The following PRKCE variants were observed in gnomAD, a reference collection of about 807,000 sequenced individuals.
The protein encoded by PRKCE is protein kinase C epsilon type.
A neutral mutation model predicts 85.4 loss-of-function variants in PRKCE; 16 were observed. The observed-to-expected ratio is 0.19, with a 90% confidence interval of 0.13 to 0.28. The LOEUF is 0.28. PRKCE is among the 10% of genes least tolerant of loss of function. The pLI is 1.00. For synonymous variants in PRKCE, 388 were observed against 371.5 expected, an observed-to-expected ratio of 1.04 and a Z score of -0.51; for missense variants, 573 against 975.2, an observed-to-expected ratio of 0.59 and a Z score of 5.49.
At chr2:45,751,809 A>ATTTTTTTTTTTTTTTTT (rs34589907) in intron 1 of PRKCE, among the ~76,000 whole-genome samples, 1 of 78,526 alleles carries the variant, frequency 1.3e-5, no homozygotes, top group South Asian at 4.9e-4. Context: ...GCTAACCACT[A>ATTTTTTTTTTTTTTTTT]TTTTTTTTTT....
intron 12 of PRKCE, among the ~76,000 whole-genome samples, chr2:46,148,240 C>G (rs1369003300): frequency 6.6e-6 from 1 of 152,270 alleles, no homozygotes; most frequent in African/African-American, 2.4e-5. Context: ...CTCCCGAGCT[C>G]TGACGCACTT....
chr2:45,914,303 T>C (rs781189861), intron 2 of PRKCE, among the ~76,000 whole-genome samples: 1 of 152,218 alleles, frequency 6.6e-6, no homozygotes. Flanking sequence ...GGACGATATG[T>C]CCAGTGACTG....
At chr2:45,906,446 G>A (rs929857600) in intron 2 of PRKCE, among the ~76,000 whole-genome samples, 22 of 152,328 alleles carry the variant, frequency 1.4e-4, no homozygotes, top group African/African-American at 5.3e-4. Context: ...AAGCAAAAAC[G>A]GAACACCCAC....
chr2:46,055,363 T>G (rs1648402476), intron 10 of PRKCE, among the ~76,000 whole-genome samples: 1 of 152,086 alleles, frequency 6.6e-6, no homozygotes, highest in South Asian at 2.1e-4. Flanking sequence ...GTGAGTGGAG[T>G]CTGCCCCTGC....
chr2:45,936,254 G>C (rs1295923674), intron 2 of PRKCE, among the ~76,000 whole-genome samples: 1 of 152,194 alleles, frequency 6.6e-6, no homozygotes, highest in Non-Finnish European at 1.5e-5. Flanking sequence ...CCTGGTATCA[G>C]GTTAAGAGGT....
intron 11 of PRKCE, among the ~76,000 whole-genome samples, chr2:46,091,470 G>A (rs1306469301): frequency 6.6e-6 from 1 of 152,198 alleles, no homozygotes; most frequent in African/African-American, 2.4e-5. Flanking sequence ...AGTGAGGGGA[G>A]TAGAGGGGCC....
intron 1 of PRKCE, among the ~76,000 whole-genome samples, chr2:45,751,554 C>A (rs945548029): frequency 3.3e-5 from 5 of 151,980 alleles, no homozygotes; most frequent in African/African-American, 7.3e-5. Flanking sequence ...CTAATCAGGT[C>A]AAAAAAGTCA....
intron 10 of PRKCE, among the ~76,000 whole-genome samples, chr2:46,054,612 G>A (rs72876175): frequency 0.045 from 6,898 of 152,248 alleles, 436 homozygotes; most frequent in African/African-American, 0.14. Flanking sequence ...AGGGCTTGAA[G>A]GTGTCTCTCA....
intron 6 of PRKCE, among the ~76,000 whole-genome samples, chr2:45,986,075 C>T (rs1175668941): frequency 6.6e-6 from 1 of 152,204 alleles, no homozygotes; most frequent in Non-Finnish European, 1.5e-5. Context: ...GAGGGAAGCA[C>T]TCACAGGTAG....
At chr2:45,685,985 T>C (rs1677267952) in intron 1 of PRKCE, among the ~76,000 whole-genome samples, 1 of 152,186 alleles carries the variant, frequency 6.6e-6, no homozygotes, top group African/African-American at 2.4e-5. Flanking sequence ...TTTTAAAATT[T>C]AAGTATAGGA....
At chr2:45,863,934 G>C (rs2105684077) in intron 2 of PRKCE, among the ~76,000 whole-genome samples, 1 of 152,314 alleles carries the variant, frequency 6.6e-6, no homozygotes, top group African/African-American at 2.4e-5. Context: ...CCAATTCAAA[G>C]GCCATAGAGG....
intron 2 of PRKCE, among the ~76,000 whole-genome samples, chr2:45,938,515 T>C (rs1245462771): frequency 6.6e-6 from 1 of 152,202 alleles, no homozygotes; most frequent in East Asian, 1.9e-4. Flanking sequence ...TGACCTGTTG[T>C]GTCCCTTTCA....
intron 1 of PRKCE, among the ~76,000 whole-genome samples, chr2:45,826,502 GT>G (rs1689952252): frequency 6.6e-6 from 1 of 152,172 alleles, no homozygotes; most frequent in Non-Finnish European, 1.5e-5. Context: ...AAAACTTTTA[GT>G]TTTTAGAGCT....
intron 11 of PRKCE, among the ~76,000 whole-genome samples, chr2:46,136,393 T>C (rs1199542095): frequency 1.3e-5 from 2 of 152,232 alleles, no homozygotes; most frequent in Non-Finnish European, 2.9e-5. Flanking sequence ...CTGTTATTCT[T>C]AGGGAATCTA....
intron 2 of PRKCE, among the ~76,000 whole-genome samples, chr2:45,875,296 C>T (rs186214262): frequency 7.7e-4 from 118 of 152,356 alleles, no homozygotes; most frequent in African/African-American, 2.6e-3. Flanking sequence ...AAAACTTCCA[C>T]AGCATATCTG....
chr2:46,083,255 C>A (rs777068174), intron 10 of PRKCE, among the ~76,000 whole-genome samples: 1 of 152,022 alleles, frequency 6.6e-6, no homozygotes, highest in African/African-American at 2.4e-5. Context: ...CCGGCCCATC[C>A]TCATTTTTAC....
intron 1 of PRKCE, among the ~76,000 whole-genome samples, chr2:45,833,630 T>A (rs954522281): frequency 6.6e-6 from 1 of 152,194 alleles, no homozygotes; most frequent in Non-Finnish European, 1.5e-5. Flanking sequence ...AGAACTGGGA[T>A]TGGAACCCGG....
chr2:45,765,778 C>T (rs1180591132), intron 1 of PRKCE, among the ~76,000 whole-genome samples: 3 of 152,160 alleles, frequency 2.0e-5, no homozygotes, highest in Non-Finnish European at 4.4e-5. Flanking sequence ...GAGCAGCTTC[C>T]CAGAACTGGG....
intron 10 of PRKCE, chr2:46,073,786 A>G (rs1668279371): frequency 6.6e-6 from 1 of 152,100 alleles, no homozygotes; most frequent in Non-Finnish European, 1.5e-5. Flanking sequence ...GGCATGAGTC[A>G]CGTCCTGGTA....
Sources: gnomAD v4.1 joint callset for allele counts (sites outside exome capture counted in the v4.1 genomes callset) on GRCh38, gnomAD v4.1.1 for gene constraint, MANE v1.5 for transcripts, NCBI Gene and HGNC (gene_info 2026-07-23, HGNC 2026-07-21) for gene names.